RASGRF2: variants seen among roughly 807,000 people sequenced by gnomAD.
RASGRF2 encodes the protein ras-specific guanine nucleotide-releasing factor 2.
Under a neutral mutation model 151.0 loss-of-function variants are expected in RASGRF2, and 76 were observed. The observed-to-expected ratio is 0.50, with a 90% confidence interval of 0.42 to 0.61. The LOEUF (loss-of-function observed/expected upper bound fraction) is 0.61. Among genes scored for constraint, RASGRF2 ranks in the 20% least tolerant of loss-of-function variants. The pLI, the probability that RASGRF2 is intolerant of heterozygous loss-of-function variation, is 0.00. For missense variants in RASGRF2, 1,148 were observed against 1,564.6 expected, an observed-to-expected ratio of 0.73 and a Z score of 4.49; for synonymous variants, 504 against 566.5, an observed-to-expected ratio of 0.89 and a Z score of 1.57.
At chr5:80,992,183 T>TACACACACACAC (rs70994409) in intron 1 of RASGRF2, among the ~76,000 whole-genome samples, 1 of 140,346 alleles carries the variant, frequency 7.1e-6, no homozygotes, top group Non-Finnish European at 1.6e-5. Context: ...CACACACAGA[T>TACACACACACAC]ACACACACAC....
intron 15 of RASGRF2, among the ~76,000 whole-genome samples, chr5:81,116,760 G>T (rs1753170712): frequency 6.6e-6 from 1 of 152,106 alleles, no homozygotes; most frequent in South Asian, 2.1e-4. Context: ...TTAAGTTTAA[G>T]TACCTCATAT....
At chr5:81,201,183 C>T in intron 18 of RASGRF2, 147 bp from the exon 19 acceptor site, 1 of 1,295,842 alleles carries the variant, frequency 7.7e-7, no homozygotes, top group South Asian at 1.9e-5. Flanking sequence ...TAAATCGGGA[C>T]CCTAGGTGTG....
intron 2 of RASGRF2, among the ~76,000 whole-genome samples, chr5:81,051,209 T>C (rs1471508981): frequency 6.6e-6 from 1 of 152,220 alleles, no homozygotes. Flanking sequence ...CATTTTTTTG[T>C]CTTGTAGTTA....
At chr5:81,003,606 C>T (rs1171368738) in intron 1 of RASGRF2, among the ~76,000 whole-genome samples, 1 of 152,154 alleles carries the variant, frequency 6.6e-6, no homozygotes, top group Non-Finnish European at 1.5e-5. Context: ...AAGTGATCCT[C>T]CTGCCTTGGC....
chr5:80,987,366 C>T (rs1748505564), intron 1 of RASGRF2, among the ~76,000 whole-genome samples: 1 of 152,140 alleles, frequency 6.6e-6, no homozygotes, highest in Non-Finnish European at 1.5e-5. Flanking sequence ...GCTAAGCATT[C>T]GGTCGAGTGA....
Position 81,026,056 on chromosome 5 carries a change from C to CTCCT in RASGRF2, c.289-16820_289-16819insCCTT, listed in dbSNP as rs141532654. Among the ~76,000 whole-genome samples, 130 of 39,278 alleles carry CTCCT rather than the reference C, an allele frequency of 3.3e-3. 1 individual carries two copies. Among genetic ancestry groups the CTCCT allele is most frequent in the Middle Eastern group, 0.026 (1 of 38 alleles). The allele number at this position is 39,278 out of a possible 152,430, so 25.8% of individuals were successfully genotyped here. A position where few individuals can be genotyped will look rare whatever the true frequency, so the allele number is the denominator to read the frequency against. On this transcript the variant is annotated intron_variant, in intron 1 of 26. Transcript: ENST00000265080. ...CTTCCCTCCTTCCTTCCATCCTTCC[C>CTCCT]TTCTTCTCCTTCCTCTCTCCCTCCC...
intron 1 of RASGRF2, among the ~76,000 whole-genome samples, chr5:81,007,637 C>T (rs540045354): frequency 6.6e-6 from 1 of 152,230 alleles, no homozygotes; most frequent in South Asian, 2.1e-4. Context: ...TCAGGGTGGT[C>T]CTTGCATTTA....
chr5:81,179,442 T>A (rs893020566), intron 17 of RASGRF2, among the ~76,000 whole-genome samples: 1 of 152,224 alleles, frequency 6.6e-6, no homozygotes. Flanking sequence ...GAACAGTGAT[T>A]TAAGAGCAGG....
chr5:81,205,403 C>T (rs1025955640), intron 19 of RASGRF2, among the ~76,000 whole-genome samples: 8 of 152,168 alleles, frequency 5.3e-5, no homozygotes, highest in African/African-American at 1.7e-4. Flanking sequence ...ATCTGTAAAA[C>T]GGAGATCACA....
At chr5:81,078,198 A>C (rs1238349923) in intron 5 of RASGRF2, among the ~76,000 whole-genome samples, 2 of 152,228 alleles carry the variant, frequency 1.3e-5, no homozygotes, top group Non-Finnish European at 2.9e-5. Context: ...AAATGATCAA[A>C]TGTGGGTAAT....
intron 17 of RASGRF2, among the ~76,000 whole-genome samples, chr5:81,166,943 C>T (rs547972510): frequency 2.2e-4 from 33 of 152,198 alleles, no homozygotes; most frequent in South Asian, 1.5e-3. Flanking sequence ...AGAATGAGGA[C>T]GAAACTGCAG....
At chr5:81,110,787 C>T (rs566875043) in intron 13 of RASGRF2, among the ~76,000 whole-genome samples, 5 of 152,178 alleles carry the variant, frequency 3.3e-5, no homozygotes, top group Admixed American at 2.6e-4. Flanking sequence ...GATCTTTTTA[C>T]GAATGAGCAA....
chr5:81,208,258 A>G (rs1755553554), intron 21 of RASGRF2, 96 bp from the exon 22 acceptor site: 3 of 1,058,818 alleles, frequency 2.8e-6, no homozygotes, highest in Non-Finnish European at 2.8e-6. Context: ...GCCATGTCAA[A>G]TGGAATTTTT....
At chr5:81,215,817 T>G in intron 23 of RASGRF2, 59 bp from the exon 24 acceptor site, 1 of 1,440,550 alleles carries the variant, frequency 6.9e-7, no homozygotes, top group African/African-American at 1.5e-5. Flanking sequence ...TTTTGGCAAT[T>G]CACTGTCTTT....
At chr5:81,194,430 T>C (rs562213645) in intron 18 of RASGRF2, among the ~76,000 whole-genome samples, 1 of 151,486 alleles carries the variant, frequency 6.6e-6, no homozygotes, top group East Asian at 1.9e-4. Context: ...TGTTTGTTTT[T>C]TGTTTTTTGT....
chr5:81,172,176 A>G (rs546161993), intron 17 of RASGRF2, among the ~76,000 whole-genome samples: 1 of 152,294 alleles, frequency 6.6e-6, no homozygotes, highest in South Asian at 2.1e-4. Flanking sequence ...TTTTTATGGA[A>G]TTATGGGAAT....
At chr5:80,984,587 T>C (rs1748418853) in intron 1 of RASGRF2, among the ~76,000 whole-genome samples, 1 of 152,254 alleles carries the variant, frequency 6.6e-6, no homozygotes, top group Non-Finnish European at 1.5e-5. Flanking sequence ...CTTAAAAATC[T>C]ATGAGGTATA....
intron 2 of RASGRF2, among the ~76,000 whole-genome samples, chr5:81,048,913 A>G (rs1750920948): frequency 6.6e-6 from 1 of 152,008 alleles, no homozygotes; most frequent in Non-Finnish European, 1.5e-5. Context: ...ATACTCCTCT[A>G]GCTACTGTCT....
intron 1 of RASGRF2, among the ~76,000 whole-genome samples, chr5:81,033,993 T>C (rs933731375): frequency 1.2e-4 from 19 of 152,246 alleles, no homozygotes; most frequent in Admixed American, 1.1e-3. Flanking sequence ...GTGAAGGATA[T>C]GAACAGACAC....
Sources: allele counts gnomAD v4.1 joint callset (sites outside exome capture counted in the v4.1 genomes callset), GRCh38; gene constraint gnomAD v4.1.1; transcripts MANE v1.5; gene names NCBI Gene and HGNC (gene_info 2026-07-23, HGNC 2026-07-21).